LRMDA: variants seen among roughly 807,000 people sequenced by gnomAD.
The protein encoded by LRMDA is leucine-rich melanocyte differentiation-associated protein.
In LRMDA, 18 loss-of-function variants were observed where a neutral mutation model predicts 29.8. The observed-to-expected ratio is 0.60, with a 90% CI of 0.42 to 0.90. The LOEUF (loss-of-function observed/expected upper bound fraction) is 0.90, where lower values mean the gene tolerates loss of function less well. LRMDA is among the 40% of genes least tolerant of loss of function. The pLI is 0.00. For missense variants in LRMDA, 273 were observed against 273.9 expected (o/e 1.00, Z 0.02); for synonymous variants, 125 against 109.4 (o/e 1.14, Z -0.89).
At chr10:75,987,068 A>AT (rs533296204) in intron 2 of LRMDA, among the ~76,000 whole-genome samples, 107 of 148,324 alleles carry the variant, frequency 7.2e-4, no homozygotes, top group African/African-American at 1.2e-3. Flanking sequence ...TTACGTGTGG[A>AT]TTTTTTTTTT....
intron 2 of LRMDA, among the ~76,000 whole-genome samples, chr10:75,969,768 T>A (rs1266173714): frequency 1.3e-5 from 2 of 152,236 alleles, no homozygotes; most frequent in East Asian, 3.8e-4. Context: ...CCACCATCAG[T>A]GACATTATTT....
intron 2 of LRMDA, among the ~76,000 whole-genome samples, chr10:75,445,535 C>A (rs765578371): frequency 2.9e-4 from 43 of 148,630 alleles, no homozygotes; most frequent in Non-Finnish European, 4.4e-5. Context: ...TTTACCTTTC[C>A]TTTGTTAATT....
At chr10:75,549,824 G>A (rs1488105741) in intron 2 of LRMDA, among the ~76,000 whole-genome samples, 1 of 152,010 alleles carries the variant, frequency 6.6e-6, no homozygotes, top group Non-Finnish European at 1.5e-5. Context: ...CTCATGGCAT[G>A]CACTGATGTA....
intron 2 of LRMDA, among the ~76,000 whole-genome samples, chr10:75,995,608 C>T (rs1036381238): frequency 1.3e-5 from 2 of 152,204 alleles, no homozygotes; most frequent in Non-Finnish European, 1.5e-5. Flanking sequence ...GCCATACCTG[C>T]CACTCTAGGC....
At chr10:75,985,582 C>G (rs537187850) in intron 2 of LRMDA, among the ~76,000 whole-genome samples, 22 of 152,360 alleles carry the variant, frequency 1.4e-4, no homozygotes, top group Non-Finnish European at 2.5e-4. Flanking sequence ...AGCAGTTCCA[C>G]AAGATCCCAG....
intron 2 of LRMDA, among the ~76,000 whole-genome samples, chr10:75,657,568 T>G (rs1184702451): frequency 6.6e-6 from 1 of 152,240 alleles, no homozygotes; most frequent in Admixed American, 6.5e-5. Flanking sequence ...CTAGGTGGGT[T>G]ACATAACTGC....
chr10:76,177,414 A>G (rs1589364830), intron 5 of LRMDA, among the ~76,000 whole-genome samples: 1 of 152,122 alleles, frequency 6.6e-6, no homozygotes, highest in East Asian at 1.9e-4. Context: ...AAAAAAAACA[A>G]CAAAAAAACC....
chr10:76,127,864 A>G (rs57978987), intron 5 of LRMDA, among the ~76,000 whole-genome samples: 2,293 of 152,300 alleles, frequency 0.015, 67 homozygotes, highest in African/African-American at 0.052. Flanking sequence ...TGCAAAAGAA[A>G]AGACCTAAGC....
chr10:75,677,708 AAAC>A (rs1841977579), intron 2 of LRMDA, among the ~76,000 whole-genome samples: 1 of 152,124 alleles, frequency 6.6e-6, no homozygotes, highest in South Asian at 2.1e-4. Context: ...ATTACGGAAA[AAAC>A]AAAAACTGCT....
intron 2 of LRMDA, among the ~76,000 whole-genome samples, chr10:75,816,557 C>A (rs1844064020): frequency 6.6e-6 from 1 of 152,152 alleles, no homozygotes; most frequent in Non-Finnish European, 1.5e-5. Context: ...GAAGTTGTGG[C>A]ATAGTCTGAG....
intron 6 of LRMDA, among the ~76,000 whole-genome samples, chr10:76,365,092 A>G (rs1247799949): frequency 4.0e-5 from 1 of 24,812 alleles, no homozygotes; most frequent in Admixed American, 2.4e-4. Flanking sequence ...ACACATATAT[A>G]TATATATATA....
intron 5 of LRMDA, among the ~76,000 whole-genome samples, chr10:76,162,391 A>G (rs1850662888): frequency 6.6e-6 from 1 of 152,198 alleles, no homozygotes; most frequent in South Asian, 2.1e-4. Context: ...TTGATCCTGT[A>G]TTAGTCAATT....
chr10:75,444,201 C>A (rs566742933), intron 2 of LRMDA, among the ~76,000 whole-genome samples: 1 of 152,072 alleles, frequency 6.6e-6, no homozygotes, highest in Non-Finnish European at 1.5e-5. Flanking sequence ...TATGGCAAAT[C>A]CACTTCTGTG....
intron 5 of LRMDA, among the ~76,000 whole-genome samples, chr10:76,252,314 A>T (rs1852500984): frequency 6.6e-6 from 1 of 152,250 alleles, no homozygotes; most frequent in Non-Finnish European, 1.5e-5. Context: ...AGGATTGCAG[A>T]TAATAAATAC....
At chr10:76,201,725 A>G (rs762640326) in intron 5 of LRMDA, among the ~76,000 whole-genome samples, 2 of 152,224 alleles carry the variant, frequency 1.3e-5, no homozygotes, top group Non-Finnish European at 2.9e-5. Context: ...TTGGAAATCA[A>G]CCAATAACCT....
intron 2 of LRMDA, among the ~76,000 whole-genome samples, chr10:75,608,953 T>C (rs1411285877): frequency 6.6e-6 from 1 of 152,254 alleles, no homozygotes; most frequent in Non-Finnish European, 1.5e-5. Flanking sequence ...ACAGTTTGTC[T>C]GGTGCAGTGA....
intron 6 of LRMDA, among the ~76,000 whole-genome samples, chr10:76,402,782 C>A (rs779127513): frequency 6.6e-6 from 1 of 152,284 alleles, no homozygotes; most frequent in Non-Finnish European, 1.5e-5. Context: ...TACAGCAATG[C>A]GCTCCCTGCA....
At chr10:76,403,547 TTAAC>T (rs1252372862) in intron 6 of LRMDA, among the ~76,000 whole-genome samples, 2 of 152,116 alleles carry the variant, frequency 1.3e-5, no homozygotes, top group African/African-American at 4.8e-5. Flanking sequence ...ATTTGGGGCT[TTAAC>T]TGAGAAGAAA....
At position 76,212,280 on chromosome 10, in the gene LRMDA, A is replaced by C. The variant is rs868481292; in HGVS notation, c.517-112121A>C. 2.8e-3 allele frequency among the ~76,000 whole-genome samples: 422 copies of C among 148,860 alleles called. 2 individuals are homozygous for C. Among genetic ancestry groups the C allele is most frequent in the African/African-American group, 9.8e-3 (403 of 41,028 alleles). On this transcript the variant is annotated intron_variant, in intron 5 of 6. Transcript: ENST00000611255. ...ACACACACACACATAAAAAAAAAAA[A>C]CTATAGAGAAATATAAAAAATGACC... is the stretch of plus-strand genomic sequence containing the variant.
Sources: allele counts gnomAD v4.1 joint callset (sites outside exome capture counted in the v4.1 genomes callset), GRCh38; gene constraint gnomAD v4.1.1; transcripts MANE v1.5; gene names NCBI Gene and HGNC (gene_info 2026-07-23, HGNC 2026-07-21).